ULBP2: variants seen among roughly 807,000 people sequenced by gnomAD.
ULBP2 encodes UL16 binding protein 2.
A neutral mutation model predicts 23.6 loss-of-function variants in ULBP2; 21 were observed. The observed-to-expected ratio is 0.89, with a 90% confidence interval of 0.63 to 1.28. The LOEUF (loss-of-function observed/expected upper bound fraction) is 1.28. ULBP2 is among the 50% of genes most tolerant of loss of function. The pLI is 0.00. For synonymous variants in ULBP2, 82 were observed against 112.8 expected (o/e 0.73, Z 1.73); for missense variants, 251 against 306.0 (o/e 0.82, Z 1.34).
Position 149,948,743 on chromosome 6 carries a change from G to C in ULBP2, c.*43G>C. On this transcript the variant is annotated 3_prime_UTR_variant, in exon 5 of 5. Transcript: ENST00000367351. ...TGAAGGTTAAAGCTGATACCAAAAG[G>C]CTCCTGTGAGCACGGTCTTGATCAA... is the stretch of plus-strand genomic sequence containing the variant. 2.2e-6 allele frequency: 1 copy of C among 456,668 alleles called. No homozygotes were observed. 28.3% of individuals were successfully genotyped at this position (456,668 alleles called of 1,614,324 possible). A position where few individuals can be genotyped will look rare whatever the true frequency, so the allele number is the denominator to read the frequency against.
intron 1 of ULBP2, 30 bp downstream of exon 1, chr6:149,942,187 C>A (rs764480856): frequency 9.3e-6 from 15 of 1,606,234 alleles, no homozygotes; most frequent in Middle Eastern, 1.7e-4. Context: ...CTAAGCCGGG[C>A]GGGGACCAAG....
chr6:149,944,334 T>TGA (rs1778904829), intron 1 of ULBP2, among the ~76,000 whole-genome samples: 1 of 151,568 alleles, frequency 6.6e-6, no homozygotes, highest in African/African-American at 2.4e-5. Context: ...CTATGAGCCA[T>TGA]GGGCATAACT....
rs572679628 is a variant in ULBP2, at chr6:149,945,370, G to A, written c.147G>A (p.Trp49Ter). 4.3e-6 allele frequency: 7 copies of A among 1,612,626 alleles called. No homozygotes were observed. The East Asian group carries it at 6.7e-5, about 15-fold the overall frequency. The change falls in exon 2 of 5, where the codon TGG becomes TGA. Residue 49 changes from tryptophan to a stop codon, truncating the protein, a stop_gained. Coordinates refer to ENST00000367351, the MANE Select transcript of ULBP2 (RefSeq NM_025217.4). LOFTEE classifies it high-confidence loss of function. The part of the protein sequence containing the change: ...VIPKFRPGPR[W>*]CAVQGQVDEK... ...CTAAGTTCAGACCTGGACCACGGTGGTGTGCGGTTCAAGGCCAGGTGGATG... is the reference window on the plus strand; with the variant it reads ...CTAAGTTCAGACCTGGACCACGGTGATGTGCGGTTCAAGGCCAGGTGGATG...
At chr6:149,945,698 T>C (rs1215935830) in intron 2 of ULBP2, 126 bp downstream of exon 2, 2 of 1,562,710 alleles carry the variant, frequency 1.3e-6, no homozygotes, top group Non-Finnish European at 1.7e-6. Context: ...GTCCCAGCAC[T>C]TTGTGAGGTA....
rs115998346 is a variant in ULBP2 at position 149,948,832 on chromosome 6, A to G, written c.*132A>G. On this transcript the variant is annotated 3_prime_UTR_variant, in exon 5 of 5. Transcript: ENST00000367351. Reference sequence around the variant, plus strand: ...GTGTATGTCCAGTGGCCTCCAGCAGATCATGATGACATCATGGACCCAATA... The same window carrying G: ...GTGTATGTCCAGTGGCCTCCAGCAGGTCATGATGACATCATGGACCCAATA... 1,068 of 453,966 alleles carry G rather than the reference A, an allele frequency of 2.4e-3. 11 individuals are homozygous for G. Among genetic ancestry groups the G allele is most frequent in the African/African-American group, 0.019 (966 of 50,034 alleles). 28.1% of individuals were successfully genotyped at this position (453,966 alleles called of 1,614,324 possible).
chr6:149,948,133 C>T (rs772131672), intron 4 of ULBP2, among the ~76,000 whole-genome samples: 8 of 152,184 alleles, frequency 5.3e-5, no homozygotes, highest in Non-Finnish European at 1.0e-4. Flanking sequence ...CCTGCACACC[C>T]CAGATCCTGA....
intron 1 of ULBP2, among the ~76,000 whole-genome samples, chr6:149,943,998 C>T (rs1778900873): frequency 6.6e-6 from 1 of 151,940 alleles, no homozygotes; most frequent in South Asian, 2.1e-4. Context: ...AATATATTCC[C>T]TGCACACCTT....
rs889450575 is a variant in ULBP2 at position 149,945,739 on chromosome 6, G to A, written c.349+167G>A. ...GGGCCGATCACAAGGTCAGGAATTC[G>A]AGACCAGCCTGACCAACATGGTGAA... On this transcript the variant is annotated intron_variant, in intron 2 of 4. Coordinates refer to ENST00000367351, the MANE Select transcript of ULBP2 (RefSeq NM_025217.4). Among the ~76,000 whole-genome samples, 99 of 152,144 alleles carry A rather than the reference G, an allele frequency of 6.5e-4. 1 individual carries two copies. Among genetic ancestry groups the A allele is most frequent in the African/African-American group, 2.2e-3 (93 of 41,458 alleles).
chr6:149,948,289 C>T (rs1464670101), intron 4 of ULBP2, among the ~76,000 whole-genome samples: 4 of 152,166 alleles, frequency 2.6e-5, no homozygotes, highest in Non-Finnish European at 5.9e-5. Flanking sequence ...ATGGGTGCTG[C>T]TCCCAGTGTG....
rs779054693 is a variant in ULBP2 at position 149,945,487 on chromosome 6, A to T, written c.264A>T (p.Lys88Asn). ...AACTAAATGTCACAACGGCCTGGAAAGCACAGAACCCAGTACTGAGAGAGG... is the reference window on the plus strand; with the variant it reads ...AACTAAATGTCACAACGGCCTGGAATGCACAGAACCCAGTACTGAGAGAGG... ...GKKLNVTTAW[K>N]AQNPVLREVV... is the part of the protein sequence containing the mutation. Residue 88 changes from lysine to asparagine, a missense_variant, in exon 2 of 5, where the codon AAA becomes AAT. This residue lies in a region of ULBP2 where 248 missense variants were observed against 258.9 expected (regional missense o/e 0.96). Transcript: ENST00000367351. 6.2e-7 allele frequency: 1 copy of T among 1,614,064 alleles called. No individual in the cohort carries two copies. The highest frequency in any genetic ancestry group is 1.7e-5 in the Admixed American group (1 of 60,030).
intron 4 of ULBP2, among the ~76,000 whole-genome samples, chr6:149,948,382 T>C (rs1283709652): frequency 6.6e-6 from 1 of 152,174 alleles, no homozygotes; most frequent in African/African-American, 2.4e-5. Context: ...TATGGAGCCC[T>C]CTTTTTGGAA....
intron 1 of ULBP2, among the ~76,000 whole-genome samples, chr6:149,943,494 T>G (rs1463004922): frequency 1.3e-5 from 2 of 152,052 alleles, no homozygotes; most frequent in African/African-American, 2.4e-5. Context: ...GGGGATCGGG[T>G]CCAACTGCTT....
chr6:149,948,562 G>A (rs956835772), intron 4 of ULBP2, among the ~76,000 whole-genome samples, 161 bp from the exon 5 acceptor site: 10 of 152,174 alleles, frequency 6.6e-5, no homozygotes, highest in Admixed American at 2.0e-4. Flanking sequence ...GAGGAGGAAA[G>A]AGGTAGGTCC....
intron 4 of ULBP2, 108 bp from the exon 5 acceptor site, chr6:149,948,615 C>T: frequency 2.2e-6 from 1 of 453,032 alleles, no homozygotes; most frequent in Non-Finnish European, 4.4e-6. Flanking sequence ...AAAAATAGGT[C>T]CCTTAGTGCA....
In ULBP2 at chr6:149,942,038, A is replaced by T. The variant is rs775145711; in HGVS notation, c.-35A>T. The T allele has an allele frequency of 6.9e-6, 11 of 1,603,594 alleles. No individual in the cohort carries two copies. The highest frequency in any genetic ancestry group is 9.4e-6 in the Non-Finnish European group (11 of 1,174,618). On this transcript the variant is annotated 5_prime_UTR_variant, in exon 1 of 5. Coordinates refer to ENST00000367351, the MANE Select transcript of ULBP2 (RefSeq NM_025217.4). The stretch of plus-strand genomic sequence containing the variant: ...GATTCATCTTCCAGGCTCTCCTTCC[A>T]TCAAGTCTCTCATCCCTAGCGCTCT...
intron 4 of ULBP2, among the ~76,000 whole-genome samples, chr6:149,948,177 C>T (rs1338323042): frequency 3.3e-5 from 5 of 152,174 alleles, no homozygotes; most frequent in Non-Finnish European, 7.3e-5. Context: ...GCAGAGTGGA[C>T]TCAGAGGAAG....
intron 1 of ULBP2, among the ~76,000 whole-genome samples, chr6:149,942,698 C>A (rs1307986281): frequency 1.3e-5 from 2 of 152,148 alleles, no homozygotes; most frequent in African/African-American, 4.8e-5. Flanking sequence ...AGACAACCGC[C>A]ACCCCTCCCC....
intron 1 of ULBP2, among the ~76,000 whole-genome samples, chr6:149,943,003 G>T (rs984558074): frequency 6.6e-6 from 1 of 152,156 alleles, no homozygotes; most frequent in African/African-American, 2.4e-5. Flanking sequence ...TCCTACGGGG[G>T]TGTCAGCGTC....
chr6:149,945,762 G>A (rs1349778979), intron 2 of ULBP2, among the ~76,000 whole-genome samples, 190 bp downstream of exon 2: 1 of 152,084 alleles, frequency 6.6e-6, no homozygotes, highest in Admixed American at 6.5e-5. Flanking sequence ...CCAACATGGT[G>A]AAACACTGTC....
Sources: allele counts gnomAD v4.1 joint callset (sites outside exome capture counted in the v4.1 genomes callset), GRCh38; gene constraint gnomAD v4.1.1; regional missense constraint gnomAD v4.1.1; transcripts MANE v1.5; gene names NCBI Gene and HGNC (gene_info 2026-07-23, HGNC 2026-07-21).